PAPPA: variants seen among roughly 807,000 people sequenced by gnomAD.
PAPPA encodes pappalysin 1, also known as pappalysin-1.
PAPPA carries 60 observed loss-of-function variants against 164.0 expected under a neutral mutation model. The observed-to-expected ratio is 0.37, with a 90% CI of 0.30 to 0.45. The LOEUF (loss-of-function observed/expected upper bound fraction) is 0.45. PAPPA is among the 20% of genes least tolerant of loss of function. PAPPA has a pLI of 1.00. For missense variants in PAPPA, 1,782 were observed against 2,087.3 expected (o/e 0.85, Z 2.85); for synonymous variants, 875 against 814.1 (o/e 1.07, Z -1.27).
At position 116,188,714 on chromosome 9, in the gene PAPPA, C is replaced by T. The variant is rs550179340; in HGVS notation, c.1478+498C>T. Reference sequence around the variant, plus strand: ...ACTGGCAAAGCAATATGAAACACTTCAGTCATCACAGAAAGTTCTGGTGGA... The same window carrying T: ...ACTGGCAAAGCAATATGAAACACTTTAGTCATCACAGAAAGTTCTGGTGGA... On this transcript the variant is annotated intron_variant, in intron 2 of 21. Coordinates refer to ENST00000328252, the MANE Select transcript of PAPPA (RefSeq NM_002581.5). Among the ~76,000 whole-genome samples the T allele has an allele frequency of 1.1e-4, 17 of 152,312 alleles. No homozygotes were observed. In the East Asian group the frequency reaches 3.3e-3, roughly 29 times the overall value.
intron 4 of PAPPA, among the ~76,000 whole-genome samples, chr9:116,218,217 T>A (rs1844399921): frequency 6.6e-6 from 1 of 152,160 alleles, no homozygotes; most frequent in East Asian, 1.9e-4. Context: ...CAAAAATTAC[T>A]AAGGGGATTT....
chr9:116,343,740 T>TA (rs1288852871), intron 13 of PAPPA, among the ~76,000 whole-genome samples: 7 of 126,344 alleles, frequency 5.5e-5, no homozygotes, highest in Non-Finnish European at 1.1e-4. Context: ...CTACCACTTA[T>TA]TTTTATTTAT....
At chr9:116,158,701 A>C (rs1587932936) in intron 1 of PAPPA, among the ~76,000 whole-genome samples, 1 of 152,190 alleles carries the variant, frequency 6.6e-6, no homozygotes, top group East Asian at 1.9e-4. Context: ...GGAACACTTG[A>C]AGGTATGAAG....
At chr9:116,314,060 C>CTTTTTTTTTTT (rs57871796) in intron 10 of PAPPA, among the ~76,000 whole-genome samples, 10 of 69,698 alleles carry the variant, frequency 1.4e-4, no homozygotes, top group South Asian at 4.7e-4. Context: ...TGCATCGAAT[C>CTTTTTTTTTTT]TTTTTTTTTT....
chr9:116,167,027 A>C (rs555967339), intron 1 of PAPPA, among the ~76,000 whole-genome samples: 36 of 152,364 alleles, frequency 2.4e-4, no homozygotes, highest in Middle Eastern at 3.4e-3. Flanking sequence ...GATTTCAAAA[A>C]GATTGGCTAA....
At chr9:116,288,441 C>CCCTCCCTG (rs1554748318) in intron 9 of PAPPA, among the ~76,000 whole-genome samples, 1 of 136,050 alleles carries the variant, frequency 7.4e-6, no homozygotes, top group South Asian at 2.6e-4. Context: ...CTCCCTCCCT[C>CCCTCCCTG]CCTCCCTTCC....
At chr9:116,321,233 T>G (rs539469366) in intron 10 of PAPPA, among the ~76,000 whole-genome samples, 1 of 152,016 alleles carries the variant, frequency 6.6e-6, no homozygotes, top group Non-Finnish European at 1.5e-5. Flanking sequence ...TTCACCGTGT[T>G]AGCCAAGATG....
At chr9:116,275,997 A>G (rs184399478) in intron 9 of PAPPA, among the ~76,000 whole-genome samples, 7 of 152,204 alleles carry the variant, frequency 4.6e-5, no homozygotes, top group African/African-American at 1.4e-4. Flanking sequence ...ATGACCTCTC[A>G]GGCAAGGCAG....
intron 9 of PAPPA, among the ~76,000 whole-genome samples, chr9:116,300,020 G>T (rs183590685): frequency 6.6e-6 from 1 of 151,942 alleles, no homozygotes. Context: ...GCTCTTTTCA[G>T]TTCTCTGTAT....
intron 1 of PAPPA, among the ~76,000 whole-genome samples, chr9:116,167,242 C>T (rs972832407): frequency 6.6e-6 from 1 of 152,126 alleles, no homozygotes; most frequent in Non-Finnish European, 1.5e-5. Context: ...CATAAAATGG[C>T]ATAGTGTTTG....
chr9:116,305,134 G>GACACACACACACACACAC (rs57723920), intron 10 of PAPPA, among the ~76,000 whole-genome samples: 13 of 129,960 alleles, frequency 1.0e-4, no homozygotes, highest in African/African-American at 3.4e-4. Context: ...TGGGCACACA[G>GACACACACACACACACAC]ACACACACAC....
intron 9 of PAPPA, among the ~76,000 whole-genome samples, chr9:116,280,732 C>T (rs1327239298): frequency 6.6e-6 from 1 of 152,222 alleles, no homozygotes; most frequent in Non-Finnish European, 1.5e-5. Context: ...CAGTAAACCA[C>T]CACCCATGGC....
rs1002939936 is a variant in PAPPA, at chr9:116,401,413, G to A, written c.*4797G>A. The A allele has an allele frequency of 1.3e-5, 2 of 152,332 alleles. No homozygotes were observed. The highest frequency in any genetic ancestry group is 4.8e-5 in the African/African-American group (2 of 41,368). 9.4% of individuals were successfully genotyped at this position (152,332 alleles called of 1,614,324 possible). On this transcript the variant is annotated 3_prime_UTR_variant, in exon 22 of 22. Transcript: ENST00000328252. ...GGCATTCTGAGTGCAAACAAATGGG[G>A]GCTTCTTAAACTACACACCAGCAGT...
chr9:116,296,759 C>T (rs1171609250), intron 9 of PAPPA, among the ~76,000 whole-genome samples: 25 of 151,882 alleles, frequency 1.6e-4, no homozygotes, highest in African/African-American at 5.1e-4. Context: ...AGAAATGAAA[C>T]GGAATTGTTC....
At chr9:116,195,316 T>A (rs143695766) in intron 2 of PAPPA, among the ~76,000 whole-genome samples, 2 of 151,444 alleles carry the variant, frequency 1.3e-5, no homozygotes, top group East Asian at 3.9e-4. Context: ...ATAACTTTGG[T>A]CTTAAGAGCA....
chr9:116,353,587 C>T, intron 16 of PAPPA, 35 bp from the exon 17 acceptor site: 1 of 1,598,454 alleles, frequency 6.3e-7, no homozygotes, highest in South Asian at 1.1e-5. Context: ...CCATTTGGTC[C>T]TTGAGATGTC....
At chr9:116,278,968 G>T (rs577958507) in intron 9 of PAPPA, among the ~76,000 whole-genome samples, 1 of 152,174 alleles carries the variant, frequency 6.6e-6, no homozygotes, top group Non-Finnish European at 1.5e-5. Flanking sequence ...TATCTCAATT[G>T]TGACTGATGC....
chr9:116,231,760 C>CTTTTTTTTTTTTTTTTTT (rs1470170244), intron 6 of PAPPA, among the ~76,000 whole-genome samples: 1 of 2,824 alleles, frequency 3.5e-4, no homozygotes, highest in African/African-American at 1.3e-3. Context: ...CTTTTCTTTT[C>CTTTTTTTTTTTTTTTTTT]TTTTTCTTTT....
At chr9:116,296,133 G>A (rs577088222) in intron 9 of PAPPA, among the ~76,000 whole-genome samples, 3 of 152,280 alleles carry the variant, frequency 2.0e-5, no homozygotes, top group South Asian at 2.1e-4. Flanking sequence ...CAATCCCTTG[G>A]GGTTTAATTT....
Sources: gnomAD v4.1 joint callset for allele counts (sites outside exome capture counted in the v4.1 genomes callset) on GRCh38, gnomAD v4.1.1 for gene constraint, MANE v1.5 for transcripts, NCBI Gene and HGNC (gene_info 2026-07-23, HGNC 2026-07-21) for gene names.